NPHS1: variants seen among roughly 807,000 people sequenced by gnomAD.
NPHS1 encodes nephrin.
A neutral mutation model predicts 139.7 loss-of-function variants in NPHS1; 107 were observed. The ratio of observed to expected loss-of-function variants is 0.77; its 90% CI spans 0.66 to 0.90. The LOEUF is 0.90. Ranked by LOEUF, NPHS1 falls within the 40% of genes least tolerant of loss-of-function variation. The probability of loss-of-function intolerance (pLI) is 0.00; values close to 1 mark genes in which losing one functional copy is unlikely to be tolerated. For synonymous variants in NPHS1, 707 were observed against 706.6 expected (o/e 1.00, Z -0.01); for missense variants, 1,580 against 1,654.2 (o/e 0.96, Z 0.78).
chr19:35,846,032 C>A lies in NPHS1; in HGVS notation c.1603G>T (p.Ala535Ser). ...KFTCKAGQLSASTQLAVQFPP... is the reference protein window; with the variant it reads ...KFTCKAGQLSSSTQLAVQFPP... ...CACTGCACCGCCAGCTGCGTGGACG[C>A]GCTGAGCTGTCCAGCCTTGCACGTG... The change falls in exon 12 of 29, where the codon GCG (alanine) becomes TCG (serine). Residue 535 changes from alanine (A) to serine (S), a missense_variant. Ala to Ser is a moderately conservative substitution (Grantham distance 99). Coordinates refer to ENST00000378910, the MANE Select transcript of NPHS1 (RefSeq NM_004646.4). The A allele has an allele frequency of 6.3e-7, 1 of 1,589,750 alleles. No homozygotes were observed. Among genetic ancestry groups the A allele is most frequent in the Admixed American group, 1.8e-5 (1 of 56,474 alleles).
At chr19:35,833,513 C>T (rs1972911629) in intron 23 of NPHS1, among the ~76,000 whole-genome samples, 1 of 152,136 alleles carries the variant, frequency 6.6e-6, no homozygotes, top group South Asian at 2.1e-4. Flanking sequence ...TAGGACAATT[C>T]TACTAGCTGT....
chr19:35,837,963 A>G (rs1972996109), intron 22 of NPHS1, among the ~76,000 whole-genome samples: 1 of 149,546 alleles, frequency 6.7e-6, no homozygotes, highest in African/African-American at 2.5e-5. Context: ...AAAAAAAACG[A>G]AAACTAGTCC....
rs763233132 is a variant in NPHS1 at position 35,849,136 on chromosome 19, C to T, written c.852G>A (p.Pro284=). The T allele has an allele frequency of 2.3e-5, 37 of 1,609,932 alleles. No homozygotes were observed. The highest frequency in any genetic ancestry group is 4.0e-5 in the African/African-American group (3 of 74,938). ...ATLQWLKNGQ[P]VSTAWGTEHT... Reference sequence around the variant, plus strand: ...GCTCTGTGCCCCACGCTGTGGACACCGGCTGGCCATTCTGGAGACAGGGAC... The same window carrying T: ...GCTCTGTGCCCCACGCTGTGGACACTGGCTGGCCATTCTGGAGACAGGGAC... Residue 284 remains proline (P), a synonymous_variant, in exon 8 of 29, where the codon CCG becomes CCA. Transcript: ENST00000378910.
intron 9 of NPHS1, 29 bp downstream of exon 9, chr19:35,848,608 C>T (rs1973180034): frequency 3.1e-6 from 5 of 1,612,222 alleles, no homozygotes; most frequent in Non-Finnish European, 4.2e-6. Flanking sequence ...CCTCCATGCT[C>T]AGACCCAGGA....
intron 22 of NPHS1, among the ~76,000 whole-genome samples, chr19:35,836,957 C>T (rs558601046): frequency 1.4e-5 from 2 of 145,466 alleles, no homozygotes; most frequent in Admixed American, 1.4e-4. Flanking sequence ...GATCATGCCA[C>T]TGTACTCCAG....
intron 20 of NPHS1, 65 bp from the exon 21 acceptor site, chr19:35,839,672 G>A (rs902572856): frequency 1.6e-6 from 2 of 1,287,638 alleles, no homozygotes; most frequent in Admixed American, 3.4e-5. Context: ...TTCTGTCCAG[G>A]TTTTCCCTAG....
At chr19:35,847,621 G>C (rs1423819648) in intron 11 of NPHS1, among the ~76,000 whole-genome samples, 1 of 150,600 alleles carries the variant, frequency 6.6e-6, no homozygotes, top group South Asian at 2.1e-4. Context: ...CTCCTAAAGT[G>C]CTTGGATTAC....
In NPHS1 at chr19:35,825,403, C is replaced by A. The variant is rs777800161; in HGVS notation, c.*1111G>T. On this transcript the variant is annotated 3_prime_UTR_variant, in exon 29 of 29. Coordinates refer to ENST00000378910, the MANE Select transcript of NPHS1 (RefSeq NM_004646.4). ...TTTAAAATCACTTTTATTGAGATAT[C>A]ATTTATGTACAATAAAAATGCACCC... 8.0e-4 allele frequency among the ~76,000 whole-genome samples: 122 copies of A among 152,140 alleles called. No individual in the cohort carries two copies. The highest frequency in any genetic ancestry group is 1.4e-3 in the Non-Finnish European group (98 of 67,990).
intron 23 of NPHS1, among the ~76,000 whole-genome samples, chr19:35,832,476 C>G (rs1972897380): frequency 1.3e-5 from 2 of 152,002 alleles, no homozygotes. Flanking sequence ...CCTGGTAAGT[C>G]AAGGCTCCAG....
At position 35,851,391 on chromosome 19, in the gene NPHS1, G is replaced by A. The variant is rs368840281; in HGVS notation, c.275-7C>T. 2.2e-5 allele frequency: 35 copies of A among 1,612,800 alleles called. No homozygotes were observed. The highest frequency in any genetic ancestry group is 2.6e-5 in the Non-Finnish European group (31 of 1,179,652). On this transcript the variant is annotated splice_polypyrimidine_tract_variant and splice_region_variant and intron_variant, in intron 2 of 28. Transcript: ENST00000378910. ...ATGTGCAGGTGGAATTCACCTGCAG[G>A]GGGAGCCGGAAGTCAGGGCCGCAGC...
intron 28 of NPHS1, among the ~76,000 whole-genome samples, chr19:35,830,199 C>G (rs140643943): frequency 6.6e-6 from 1 of 152,212 alleles, no homozygotes; most frequent in Non-Finnish European, 1.5e-5. Flanking sequence ...CCTCCTTTGC[C>G]GTCAGATGTG....
In NPHS1 at chr19:35,849,547, T is replaced by C; in HGVS notation, c.712+3A>G. 1 of 1,612,808 alleles carries C rather than the reference T, an allele frequency of 6.2e-7. No homozygotes were observed. The highest frequency in any genetic ancestry group is 8.5e-7 in the Non-Finnish European group (1 of 1,178,822). On this transcript the variant is annotated splice_donor_region_variant and intron_variant, in intron 6 of 28. Transcript: ENST00000378910. ...GCCCTAGTTGGCCCAGTTCTCCACTTACACAGAACATTCACGGTGAATGAG... is the reference window on the plus strand; with the variant it reads ...GCCCTAGTTGGCCCAGTTCTCCACTCACACAGAACATTCACGGTGAATGAG...
At chr19:35,827,483 G>GA (rs1972814076) in intron 28 of NPHS1, among the ~76,000 whole-genome samples, 1 of 151,900 alleles carries the variant, frequency 6.6e-6, no homozygotes, top group Admixed American at 6.6e-5. Flanking sequence ...AAAGAAAAAA[G>GA]AAAAAACCAG....
chr19:35,837,789 A>T (rs967933313), intron 22 of NPHS1, among the ~76,000 whole-genome samples: 4 of 151,948 alleles, frequency 2.6e-5, no homozygotes, highest in Non-Finnish European at 5.9e-5. Context: ...TTCAGTAGAG[A>T]CAGGGTTTTT....
At position 35,845,417 on chromosome 19, in the gene NPHS1, GC is replaced by G; in HGVS notation, c.1880del (p.Ser627ThrfsTer8). The G allele has an allele frequency of 6.2e-7, 1 of 1,614,252 alleles. No homozygotes were observed. Among genetic ancestry groups the G allele is most frequent in the Non-Finnish European group, 8.5e-7 (1 of 1,180,048 alleles). On this transcript the variant is annotated frameshift_variant, in exon 14 of 29. Transcript: ENST00000378910. LOFTEE classifies it high-confidence loss of function. The surrounding 1 kb of genome is among the most constrained non-coding windows in gnomAD (Gnocchi z 5.5). Reference sequence around the variant, plus strand: ...AGCTCACGGTTTCGCGGAGCTCGGCGCTGTGGGCGCGGCAGGTCACGCGCTG... The same window carrying G: ...AGCTCACGGTTTCGCGGAGCTCGGCGTGTGGGCGCGGCAGGTCACGCGCTG... Reference protein sequence around the residue: ...HGQRVTCRAHSAELRETVSSF... With the variant: ...HGQRVTCRAHXAELRETVSSF...
Position 35,845,794 on chromosome 19 carries a change from G to C in NPHS1, c.1632C>G (p.Pro544=), listed in dbSNP as rs1973131185. ...TGGCCAGGATCGTCACGTTAGTTGG[G>C]GGAACTGGGAGACGGGGTTGGAGGA... ...SASTQLAVQF[P]PTNVTILANA... The change falls in exon 13 of 29, where the codon CCC becomes CCG. Residue 544 remains proline (P), a synonymous_variant. Coordinates refer to ENST00000378910, the MANE Select transcript of NPHS1 (RefSeq NM_004646.4). The surrounding 1 kb of genome is among the most constrained non-coding windows in gnomAD (Gnocchi z 5.5). 6.2e-7 allele frequency: 1 copy of C among 1,612,412 alleles called. No homozygotes were observed. The highest frequency in any genetic ancestry group is 8.5e-7 in the Non-Finnish European group (1 of 1,178,700).
intron 28 of NPHS1, among the ~76,000 whole-genome samples, chr19:35,829,683 T>G (rs1199910519): frequency 1.3e-5 from 2 of 152,032 alleles, no homozygotes; most frequent in Non-Finnish European, 2.9e-5. Context: ...GGATTACAAG[T>G]GTGTGCCACC....
chr19:35,852,316 C>G lies in NPHS1; in HGVS notation c.-479G>C, dbSNP rs1973292177. Reference sequence around the variant, plus strand: ...TTCCTCTCTCTCTGTCTCTCTCTCTCTCTCTCTCTCAATCTCTATCTTCTC... The same window carrying G: ...TTCCTCTCTCTCTGTCTCTCTCTCTGTCTCTCTCTCAATCTCTATCTTCTC... On this transcript the variant is annotated 5_prime_UTR_variant, in exon 1 of 29. Transcript: ENST00000378910. Among the ~76,000 whole-genome samples the G allele has an allele frequency of 6.6e-6, 1 of 151,974 alleles. No individual in the cohort carries two copies. The highest frequency in any genetic ancestry group is 2.4e-5 in the African/African-American group (1 of 41,372).
In NPHS1 at chr19:35,835,807, G is replaced by T. The variant is rs779800714; in HGVS notation, c.3110-46C>A. 5.2e-6 allele frequency: 8 copies of T among 1,525,298 alleles called. No homozygotes were observed. The East Asian group carries it at 1.4e-4, about 26-fold the overall frequency. 94.5% of individuals were successfully genotyped at this position (1,525,298 alleles called of 1,614,324 possible). On this transcript the variant is annotated intron_variant, in intron 22 of 28. Transcript: ENST00000378910. ...TTGTGACTTAACACTAAGAATCTGA[G>T]ATAAGCTTTAAATATTTCTCAGCCT...
Sources: gnomAD v4.1 joint callset for allele counts (sites outside exome capture counted in the v4.1 genomes callset) on GRCh38, gnomAD v4.1.1 for gene constraint, Gnocchi (gnomAD v3.1) non-coding constraint, MANE v1.5 for transcripts, NCBI Gene and HGNC (gene_info 2026-07-23, HGNC 2026-07-21) for gene names.